Variants in NOS1 observed in about 807,000 individuals in gnomAD.
NOS1 encodes the protein NOS type I.
A neutral mutation model predicts 164.5 loss-of-function variants in NOS1; 51 were observed. That is an observed-to-expected ratio of 0.31 (90% confidence interval 0.25 to 0.39). The LOEUF is 0.39. Ranked by LOEUF, NOS1 falls within the 10% of genes least tolerant of loss-of-function variation. The pLI is 1.00. For synonymous variants in NOS1, 719 were observed against 745.8 expected (o/e 0.96, Z 0.59); for missense variants, 1,362 against 1,885.6 (o/e 0.72, Z 5.14).
Position 117,253,621 on chromosome 12 carries a change from CT to C in NOS1, c.2648+16del, listed in dbSNP as rs750493632. The C allele has an allele frequency of 2.5e-5, 40 of 1,584,350 alleles. No homozygotes were observed. The highest frequency in any genetic ancestry group is 3.2e-5 in the Non-Finnish European group (37 of 1,153,996). On this transcript the variant is annotated intron_variant, in intron 17 of 28. Transcript: ENST00000317775. The stretch of plus-strand genomic sequence containing the variant: ...TTAGTCTTCCCTGACCCCCGACCCC[CT>C]TATCCCCTTGCTCACCTCACATTGG...
intron 2 of NOS1, among the ~76,000 whole-genome samples, chr12:117,329,441 C>T (rs1481351954): frequency 1.3e-5 from 2 of 152,076 alleles, no homozygotes; most frequent in African/African-American, 4.8e-5. Flanking sequence ...TTTTTGGTGG[C>T]CTCAGACTGA....
At chr12:117,259,584 C>T (rs1871721964) in intron 14 of NOS1, among the ~76,000 whole-genome samples, 1 of 152,124 alleles carries the variant, frequency 6.6e-6, no homozygotes, top group Non-Finnish European at 1.5e-5. Context: ...GAGCACCTGG[C>T]CAAACAAGTC....
intron 3 of NOS1, among the ~76,000 whole-genome samples, chr12:117,296,500 T>A (rs966242289): frequency 2.0e-5 from 3 of 152,202 alleles, no homozygotes; most frequent in African/African-American, 7.2e-5. Context: ...TGAGCCTACA[T>A]CTTTCTCCCG....
At position 117,209,356 on chromosome 12, in the gene NOS1, A is replaced by C; in HGVS notation, c.*5953T>G. 2 of 979,954 alleles carry C rather than the reference A, an allele frequency of 2.0e-6. No homozygotes were observed. The highest frequency in any genetic ancestry group is 2.4e-6 in the Non-Finnish European group (2 of 824,942). 60.7% of individuals were successfully genotyped at this position (979,954 alleles called of 1,614,324 possible). A position where few individuals can be genotyped will look rare whatever the true frequency, so the allele number is the denominator to read the frequency against. On this transcript the variant is annotated 3_prime_UTR_variant, in exon 29 of 29. Coordinates refer to ENST00000317775, the MANE Select transcript of NOS1 (RefSeq NM_000620.5). ...TCCTACAGTACCCAAGACGGCCCCC[A>C]CAAGAAAGAATTACCCAGCCCCAAA... is the stretch of plus-strand genomic sequence containing the variant.
intron 16 of NOS1, among the ~76,000 whole-genome samples, chr12:117,254,986 A>G (rs1871333648): frequency 6.6e-6 from 1 of 152,206 alleles, no homozygotes; most frequent in African/African-American, 2.4e-5. Context: ...CATTTTTTAA[A>G]TTAATACCTA....
chr12:117,230,845 AG>A (rs1157451978), intron 22 of NOS1, among the ~76,000 whole-genome samples: 1 of 152,214 alleles, frequency 6.6e-6, no homozygotes, highest in African/African-American at 2.4e-5. Context: ...TGTTAAGTGA[AG>A]GAAGCCAGGC....
chr12:117,273,872 C>G (rs575611968), intron 9 of NOS1, among the ~76,000 whole-genome samples: 61 of 150,508 alleles, frequency 4.1e-4, no homozygotes, highest in African/African-American at 1.3e-3. Flanking sequence ...AACTATAAAA[C>G]TACTAGAAGA....
rs946006779 is a variant in NOS1 at position 117,279,885 on chromosome 12, G to A, written c.1524+840C>T. Reference sequence around the variant, plus strand: ...AGAAAAGCCACATGCAAATGAAGTCGGCAGCCAGGAGGGAGTGGAGCAGCC... The same window carrying A: ...AGAAAAGCCACATGCAAATGAAGTCAGCAGCCAGGAGGGAGTGGAGCAGCC... On this transcript the variant is annotated intron_variant, in intron 8 of 28. Transcript: ENST00000317775. Among the ~76,000 whole-genome samples the A allele has an allele frequency of 4.9e-4, 74 of 152,288 alleles. 1 individual carries two copies. The highest frequency in any genetic ancestry group is 1.6e-3 in the African/African-American group (65 of 41,560).
chr12:117,285,178 C>T (rs1039278434), intron 7 of NOS1, 63 bp downstream of exon 7: 21 of 1,129,230 alleles, frequency 1.9e-5, no homozygotes, highest in Non-Finnish European at 2.7e-5. Context: ...ACTCCAGAGT[C>T]AAAGTACAAT....
intron 1 of NOS1, among the ~76,000 whole-genome samples, chr12:117,345,211 T>C (rs1470061758): frequency 6.6e-6 from 1 of 152,062 alleles, no homozygotes; most frequent in East Asian, 1.9e-4. Flanking sequence ...TTAGTGGAGA[T>C]GGGATTTTGC....
chr12:117,340,051 C>T (rs1876023871), intron 1 of NOS1, among the ~76,000 whole-genome samples: 1 of 152,150 alleles, frequency 6.6e-6, no homozygotes, highest in African/African-American at 2.4e-5. Context: ...GTTGCCCAGG[C>T]TGGAGGGCAG....
intron 2 of NOS1, among the ~76,000 whole-genome samples, chr12:117,322,532 CCTCT>C (rs767771794): frequency 1.4e-4 from 19 of 134,026 alleles, no homozygotes; most frequent in Non-Finnish European, 2.6e-4. Flanking sequence ...TCCTTCCTTC[CCTCT>C]CTCCTTCTTT....
intron 25 of NOS1, among the ~76,000 whole-genome samples, chr12:117,223,591 T>C (rs1351562635): frequency 6.6e-6 from 1 of 151,834 alleles, no homozygotes; most frequent in East Asian, 1.9e-4. Flanking sequence ...ATTATTATTA[T>C]TTTAAGATGG....
intron 1 of NOS1, among the ~76,000 whole-genome samples, chr12:117,334,216 C>G (rs1247345177): frequency 6.6e-6 from 1 of 152,188 alleles, no homozygotes; most frequent in Non-Finnish European, 1.5e-5. Flanking sequence ...GGGCTCTGGG[C>G]TGGTGCTTGG....
chr12:117,311,628 A>T, intron 2 of NOS1, 36 bp from the exon 3 acceptor site: 1 of 1,588,362 alleles, frequency 6.3e-7, no homozygotes, highest in Non-Finnish European at 8.6e-7. Context: ...GGAAGGGGAC[A>T]TCAGGAGGGA....
chr12:117,319,340 C>G (rs1410033457), intron 2 of NOS1, among the ~76,000 whole-genome samples: 1 of 152,224 alleles, frequency 6.6e-6, no homozygotes, highest in East Asian at 1.9e-4. Context: ...CGTGAGCCCC[C>G]ACACCTGGCC....
intron 8 of NOS1, among the ~76,000 whole-genome samples, chr12:117,278,845 T>C (rs994190784): frequency 1.3e-5 from 2 of 149,442 alleles, no homozygotes; most frequent in African/African-American, 4.9e-5. Flanking sequence ...ATTACTATCA[T>C]ATATTCTAAT....
intron 12 of NOS1, among the ~76,000 whole-genome samples, chr12:117,264,602 C>A (rs1872228147): frequency 7.7e-6 from 1 of 130,382 alleles, no homozygotes; most frequent in African/African-American, 2.9e-5. Context: ...CCTTCCCTCC[C>A]TCCCTCCCCT....
At chr12:117,348,874 C>T (rs567520229) in intron 1 of NOS1, among the ~76,000 whole-genome samples, 5 of 152,216 alleles carry the variant, frequency 3.3e-5, no homozygotes, top group South Asian at 2.1e-4. Context: ...ATCCTGGAAC[C>T]GAAACAGCAC....
Sources: gnomAD v4.1 joint callset for allele counts (sites outside exome capture counted in the v4.1 genomes callset) on GRCh38, gnomAD v4.1.1 for gene constraint, MANE v1.5 for transcripts, NCBI Gene and HGNC (gene_info 2026-07-23, HGNC 2026-07-21) for gene names.